Variants in ERICH6B observed in about 807,000 individuals in gnomAD.
The protein encoded by ERICH6B is glutamate-rich protein 6B.
Under a neutral mutation model 80.0 loss-of-function variants are expected in ERICH6B, and 69 were observed. That is an observed-to-expected ratio of 0.86 (90% CI 0.71 to 1.05). ERICH6B has a LOEUF of 1.05. Ranked by LOEUF, ERICH6B falls within the 50% of genes least tolerant of loss-of-function variation. The probability of loss-of-function intolerance (pLI) is 0.00; values close to 1 mark genes in which losing one functional copy is unlikely to be tolerated. For missense variants in ERICH6B, 754 were observed against 796.1 expected (o/e 0.95, Z 0.64); for synonymous variants, 283 against 291.9 (o/e 0.97, Z 0.31).
At chr13:45,566,856 A>G (rs958715726) in intron 9 of ERICH6B, among the ~76,000 whole-genome samples, 1 of 152,214 alleles carries the variant, frequency 6.6e-6, no homozygotes, top group African/African-American at 2.4e-5. Context: ...AGACCCCAGA[A>G]TGGTGGATCC....
chr13:45,604,719 A>C (rs1026532175), intron 2 of ERICH6B, among the ~76,000 whole-genome samples: 1 of 152,084 alleles, frequency 6.6e-6, no homozygotes, highest in Non-Finnish European at 1.5e-5. Flanking sequence ...CAAACAAAAC[A>C]CCAAGAAGAA....
rs181916175 is a variant in ERICH6B, at chr13:45,574,811, G to T, written c.1050+31C>A. The T allele has an allele frequency of 1.4e-3, 2,092 of 1,487,444 alleles. 3 individuals carry two copies. Among genetic ancestry groups the T allele is most frequent in the Non-Finnish European group, 1.7e-3 (1,889 of 1,095,492 alleles). 92.1% of individuals were successfully genotyped at this position (1,487,444 alleles called of 1,614,324 possible). A position where few individuals can be genotyped will look rare whatever the true frequency, so the allele number is the denominator to read the frequency against. On this transcript the variant is annotated intron_variant, in intron 8 of 14. Transcript: ENST00000298738. ...CCACCCTACATTTGGAGGAAGCTGG[G>T]GGGGGGGTCTCAAGTTTTTATCCAA...
At chr13:45,572,902 G>C (rs1875234195) in intron 8 of ERICH6B, among the ~76,000 whole-genome samples, 1 of 151,758 alleles carries the variant, frequency 6.6e-6, no homozygotes, top group Non-Finnish European at 1.5e-5. Context: ...CCAACAATAA[G>C]ATGCTATTTC....
In ERICH6B at chr13:45,596,684, C is replaced by G; in HGVS notation, c.322G>C (p.Glu108Gln). 1 of 1,552,092 alleles carries G rather than the reference C, an allele frequency of 6.4e-7. No homozygotes were observed. Among genetic ancestry groups the G allele is most frequent in the Non-Finnish European group, 8.7e-7 (1 of 1,147,054 alleles). Residue 108 changes from glutamate (E) to glutamine (Q), a missense_variant, in exon 3 of 15, where the codon GAG becomes CAG. Glu to Gln is a conservative substitution (Grantham distance 29). Coordinates refer to ENST00000298738, the MANE Select transcript of ERICH6B (RefSeq NM_182542.3). ...LEKAGYLEEE[E>Q]YIEEEEYLGK... ...AGATACTCTTCCTCTTCAATATACT[C>G]TTCCTCCTCCAGATACCCTGCCTTC... is the stretch of plus-strand genomic sequence containing the variant.
chr13:45,590,023 A>T (rs949766572), intron 4 of ERICH6B, among the ~76,000 whole-genome samples: 1 of 152,014 alleles, frequency 6.6e-6, no homozygotes, highest in Non-Finnish European at 1.5e-5. Flanking sequence ...TGCCATAACC[A>T]AACTGGTCCC....
At chr13:45,587,268 A>C in intron 4 of ERICH6B, 36 bp from the exon 5 acceptor site, 1 of 1,547,334 alleles carries the variant, frequency 6.5e-7, no homozygotes, top group Non-Finnish European at 8.7e-7. Flanking sequence ...CAACTTCCAG[A>C]CAGGGGCCAG....
intron 1 of ERICH6B, among the ~76,000 whole-genome samples, chr13:45,610,929 A>G (rs1377388768): frequency 6.6e-6 from 1 of 151,916 alleles, no homozygotes; most frequent in Admixed American, 6.6e-5. Flanking sequence ...AATCAAGGAC[A>G]GGGGTTTCCT....
chr13:45,609,548 G>A lies in ERICH6B; in HGVS notation c.-110-1933C>T, dbSNP rs115424180. ...TGTTCTTTGGTCTGTAGATTTGAGA[G>A]TAGGAACTTTGCTTTCTTGTTCACC... On this transcript the variant is annotated intron_variant, in intron 1 of 14. Transcript: ENST00000298738. Among the ~76,000 whole-genome samples, 247 of 152,334 alleles carry A rather than the reference G, an allele frequency of 1.6e-3. 1 individual carries two copies. Among genetic ancestry groups the A allele is most frequent in the African/African-American group, 5.4e-3 (224 of 41,588 alleles).
At chr13:45,580,574 A>G in intron 6 of ERICH6B, 29 bp downstream of exon 6, 2 of 1,549,646 alleles carry the variant, frequency 1.3e-6, no homozygotes, top group Non-Finnish European at 1.7e-6. Context: ...TAACTTCTAC[A>G]GATCATTTAA....
intron 3 of ERICH6B, among the ~76,000 whole-genome samples, chr13:45,595,666 CCTT>C (rs1375118045): frequency 1.3e-5 from 2 of 149,852 alleles, no homozygotes; most frequent in East Asian, 1.9e-4. Flanking sequence ...TTCTTTCTTT[CCTT>C]CTTCTCTCTC....
intron 2 of ERICH6B, among the ~76,000 whole-genome samples, chr13:45,600,613 C>T (rs968872658): frequency 4.6e-5 from 7 of 152,194 alleles, no homozygotes; most frequent in African/African-American, 7.2e-5. Flanking sequence ...ATTTGTCTTT[C>T]TGTGACTGAC....
intron 11 of ERICH6B, among the ~76,000 whole-genome samples, chr13:45,559,881 G>C (rs1443033614): frequency 6.6e-6 from 1 of 152,192 alleles, no homozygotes; most frequent in Non-Finnish European, 1.5e-5. Flanking sequence ...GTGTTGGGTA[G>C]AATGTTCTGT....
chr13:45,590,261 C>T (rs1186048370), intron 4 of ERICH6B, among the ~76,000 whole-genome samples: 1 of 151,790 alleles, frequency 6.6e-6, no homozygotes, highest in Non-Finnish European at 1.5e-5. Flanking sequence ...GAATTCAGGC[C>T]TTGGAAATAT....
intron 14 of ERICH6B, among the ~76,000 whole-genome samples, chr13:45,542,167 G>T (rs1394875370): frequency 6.6e-6 from 1 of 152,214 alleles, no homozygotes; most frequent in Non-Finnish European, 1.5e-5. Flanking sequence ...AGTTCTGCCT[G>T]GGTCTGCAGC....
intron 5 of ERICH6B, among the ~76,000 whole-genome samples, chr13:45,583,516 C>A (rs190537064): frequency 6.6e-6 from 1 of 152,276 alleles, no homozygotes; most frequent in South Asian, 2.1e-4. Flanking sequence ...CACCAGTTTG[C>A]ACTTTTGAGA....
Position 45,568,421 on chromosome 13 carries a change from T to G in ERICH6B, c.1081A>C (p.Lys361Gln). ...FLNSSYQTVF[K>Q]TIIKEMAAHN... is the part of the protein sequence containing the mutation. ...GCAGCCATTTCTTTGATTATTGTTT[T>G]AAATACTGTCTGATAGGAGCTGTTC... is the stretch of plus-strand genomic sequence containing the variant. Residue 361 changes from lysine to glutamine, a missense_variant, in exon 9 of 15, where the codon AAA becomes CAA. Lys to Gln is a moderately conservative substitution (Grantham distance 53, BLOSUM62 1). Coordinates refer to ENST00000298738, the MANE Select transcript of ERICH6B (RefSeq NM_182542.3). The G allele has an allele frequency of 6.5e-7, 1 of 1,549,118 alleles. No homozygotes were observed. Among genetic ancestry groups the G allele is most frequent in the Non-Finnish European group, 8.7e-7 (1 of 1,146,038 alleles).
At position 45,544,900 on chromosome 13, in the gene ERICH6B, C is replaced by T. The variant is rs1469071923; in HGVS notation, c.1732G>A (p.Val578Ile). The change falls in exon 14 of 15, where the codon GTC becomes ATC. Residue 578 changes from valine (V) to isoleucine (I), a missense_variant. Coordinates refer to ENST00000298738, the MANE Select transcript of ERICH6B (RefSeq NM_182542.3). ...ATGGGCTGGACAGGGGGTGCGTGGA[C>T]ATGGATGTTCAGATTCCACCAGTTC... The part of the protein sequence containing the change: ...AWNWWNLNIH[V>I]HAPPVQPISL... The T allele has an allele frequency of 6.4e-7, 1 of 1,551,622 alleles. No homozygotes were observed. The highest frequency in any genetic ancestry group is 1.4e-5 in the African/African-American group (1 of 73,052).
intron 8 of ERICH6B, among the ~76,000 whole-genome samples, chr13:45,570,732 C>G (rs1875120811): frequency 6.6e-6 from 1 of 152,204 alleles, no homozygotes; most frequent in African/African-American, 2.4e-5. Context: ...CCCATTGCAG[C>G]TGCAGGTTCC....
intron 14 of ERICH6B, among the ~76,000 whole-genome samples, chr13:45,544,035 G>T (rs1424544682): frequency 6.6e-6 from 1 of 152,164 alleles, no homozygotes; most frequent in Non-Finnish European, 1.5e-5. Context: ...GGCTACAGGT[G>T]CGAGAGCCAC....
Sources: gnomAD v4.1 joint callset for allele counts (sites outside exome capture counted in the v4.1 genomes callset) on GRCh38, gnomAD v4.1.1 for gene constraint, MANE v1.5 for transcripts, NCBI Gene and HGNC (gene_info 2026-07-23, HGNC 2026-07-21) for gene names.